MGAT4C: variants seen among roughly 807,000 people sequenced by gnomAD.
MGAT4C encodes alpha-1,3-mannosyl-glycoprotein 4-beta-N-acetylglucosaminyltransferase C.
MGAT4C carries 19 observed loss-of-function variants against 40.1 expected under a neutral mutation model. The observed-to-expected ratio is 0.47, with a 90% CI of 0.33 to 0.70. The LOEUF (loss-of-function observed/expected upper bound fraction) is 0.70. Among genes scored for constraint, MGAT4C ranks in the 30% least tolerant of loss-of-function variants. MGAT4C has a pLI of 0.02. For missense variants in MGAT4C, 491 were observed against 563.2 expected, an observed-to-expected ratio of 0.87 and a Z score of 1.30; for synonymous variants, 181 against 187.1, an observed-to-expected ratio of 0.97 and a Z score of 0.27.
chr12:86,417,158 A>G (rs1956734922), intron 3 of MGAT4C, among the ~76,000 whole-genome samples: 1 of 152,102 alleles, frequency 6.6e-6, no homozygotes, highest in African/African-American at 2.4e-5. Flanking sequence ...TAAATAGTTG[A>G]ATATTTTTTT....
chr12:86,494,698 A>G (rs1958207403), intron 2 of MGAT4C, among the ~76,000 whole-genome samples: 1 of 151,960 alleles, frequency 6.6e-6, no homozygotes, highest in African/African-American at 2.4e-5. Context: ...AAATATTTTA[A>G]CATAAAATTT....
At chr12:86,354,065 A>G (rs953415089) in intron 3 of MGAT4C, among the ~76,000 whole-genome samples, 2 of 152,230 alleles carry the variant, frequency 1.3e-5, no homozygotes, top group Non-Finnish European at 2.9e-5. Flanking sequence ...AAAAACTTTG[A>G]TATGATGAAT....
At chr12:86,024,292 C>T (rs905863672) in intron 2 of MGAT4C, among the ~76,000 whole-genome samples, 6 of 146,680 alleles carry the variant, frequency 4.1e-5, no homozygotes, top group Non-Finnish European at 8.9e-5. Flanking sequence ...TCAATTAATA[C>T]ATTTTTTTTT....
intron 4 of MGAT4C, among the ~76,000 whole-genome samples, chr12:86,275,151 C>T (rs1218179024): frequency 6.6e-6 from 1 of 152,162 alleles, no homozygotes. Context: ...TGAAATGTCA[C>T]TTGAAAATTA....
rs749945581 is a variant in MGAT4C, at chr12:85,983,550, G to C, written c.268C>G (p.Leu90Val). The C allele has an allele frequency of 3.2e-6, 5 of 1,586,522 alleles. No individual in the cohort carries two copies. In the South Asian group the frequency reaches 4.7e-5, roughly 15 times the overall value. The change falls in exon 4 of 5, where the codon CTA becomes GTA. Residue 90 changes from leucine to valine, a missense_variant. Leu to Val is a conservative substitution (Grantham distance 32). Transcript: ENST00000611864. ...SGAINVTYRYLAATPLQRKRY... is the reference protein window; with the variant it reads ...SGAINVTYRYVAATPLQRKRY... ...TTTCTTTGTAAAGGTGTGGCAGCTA[G>C]GTAGCGATAGGTGACATTTATGGCT... is the stretch of plus-strand genomic sequence containing the variant.
chr12:86,105,150 G>T (rs951614026), intron 1 of MGAT4C, among the ~76,000 whole-genome samples: 1 of 151,968 alleles, frequency 6.6e-6, no homozygotes, highest in African/African-American at 2.4e-5. Flanking sequence ...CACATTTTTT[G>T]CAACGATTTC....
intron 2 of MGAT4C, among the ~76,000 whole-genome samples, chr12:86,656,105 T>C (rs1481602017): frequency 6.6e-6 from 1 of 152,082 alleles, no homozygotes; most frequent in African/African-American, 2.4e-5. Flanking sequence ...AGGACTACAT[T>C]TGAAATTATG....
chr12:86,807,881 A>G (rs1455249494), intron 1 of MGAT4C, among the ~76,000 whole-genome samples: 2 of 152,066 alleles, frequency 1.3e-5, no homozygotes, highest in Non-Finnish European at 2.9e-5. Flanking sequence ...ATGATCAGTG[A>G]TGTTGAGCTT....
intron 1 of MGAT4C, among the ~76,000 whole-genome samples, chr12:86,826,410 T>G (rs1952809750): frequency 6.6e-6 from 1 of 151,394 alleles, no homozygotes; most frequent in East Asian, 1.9e-4. Context: ...AAAAGTCTAG[T>G]GTAGGTGTTG....
rs59917182 is a variant in MGAT4C, at chr12:86,771,686, ATGTGTGTG to A, written c.-261-44453_-261-44446del. ...TGTAAAAAAAAGTACATAAATATAT[ATGTGTGTG>A]TGTGTGTGTGTGTGTGTGTGTGTGT... On this transcript the variant is annotated intron_variant, in intron 1 of 7. Coordinates refer to the MGAT4C transcript ENST00000548651. Among the ~76,000 whole-genome samples, 433 of 146,832 alleles carry A rather than the reference ATGTGTGTG, an allele frequency of 2.9e-3. 3 individuals are homozygous for A. The highest frequency in any genetic ancestry group is 6.2e-3 in the African/African-American group (242 of 39,106).
At chr12:86,670,754 A>T (rs1279452789) in intron 2 of MGAT4C, among the ~76,000 whole-genome samples, 2 of 152,202 alleles carry the variant, frequency 1.3e-5, no homozygotes, top group East Asian at 1.9e-4. Flanking sequence ...TCACCAAGGC[A>T]TATGGTCACC....
intron 1 of MGAT4C, among the ~76,000 whole-genome samples, chr12:86,058,258 A>G (rs959188733): frequency 1.3e-5 from 2 of 152,120 alleles, no homozygotes; most frequent in Non-Finnish European, 2.9e-5. Context: ...CCCCACCAGA[A>G]AGATGACAGT....
intron 1 of MGAT4C, among the ~76,000 whole-genome samples, chr12:86,775,980 C>A (rs1014664410): frequency 6.6e-6 from 1 of 151,672 alleles, no homozygotes; most frequent in African/African-American, 2.4e-5. Flanking sequence ...TTTGACTGAA[C>A]GAATAACTTA....
chr12:86,660,022 C>T (rs1963943379), intron 2 of MGAT4C, among the ~76,000 whole-genome samples: 1 of 149,846 alleles, frequency 6.7e-6, no homozygotes, highest in Admixed American at 6.6e-5. Context: ...CCTCTATTTA[C>T]ACAGCTTGAA....
At chr12:86,384,209 T>C (rs145740828) in intron 3 of MGAT4C, among the ~76,000 whole-genome samples, 16 of 152,322 alleles carry the variant, frequency 1.1e-4, no homozygotes, top group South Asian at 2.1e-4. Context: ...TATGTTTTTA[T>C]CAGCAGTGTG....
chr12:86,423,502 A>G (rs1400193161), intron 3 of MGAT4C, among the ~76,000 whole-genome samples: 1 of 152,084 alleles, frequency 6.6e-6, no homozygotes, highest in Non-Finnish European at 1.5e-5. Context: ...TATCCACTAT[A>G]TAATTTCTTC....
chr12:86,165,412 T>C (rs1194509306), intron 1 of MGAT4C, among the ~76,000 whole-genome samples: 1 of 152,162 alleles, frequency 6.6e-6, no homozygotes, highest in East Asian at 1.9e-4. Context: ...TGTATTTTGT[T>C]AACACATTAT....
intron 2 of MGAT4C, among the ~76,000 whole-genome samples, chr12:86,569,045 G>A (rs1253834871): frequency 2.6e-5 from 4 of 151,574 alleles, no homozygotes; most frequent in Non-Finnish European, 4.4e-5. Context: ...ATGGGCGGGG[G>A]GAATAAAACA....
intron 2 of MGAT4C, among the ~76,000 whole-genome samples, chr12:86,537,937 A>T (rs1057139963): frequency 6.6e-6 from 1 of 152,030 alleles, no homozygotes; most frequent in African/African-American, 2.4e-5. Context: ...AAATACAAAA[A>T]TTAGCCAGGC....
Sources: allele counts gnomAD v4.1 joint callset (sites outside exome capture counted in the v4.1 genomes callset), GRCh38; gene constraint gnomAD v4.1.1; transcripts MANE v1.5; gene names NCBI Gene and HGNC (gene_info 2026-07-23, HGNC 2026-07-21).